BICD1: variants seen among roughly 807,000 people sequenced by gnomAD.
The protein encoded by BICD1 is protein bicaudal D homolog 1.
In BICD1, 35 loss-of-function variants were observed where a neutral mutation model predicts 92.5. The ratio of observed to expected loss-of-function variants is 0.38; its 90% confidence interval spans 0.29 to 0.50. BICD1 has a LOEUF of 0.50. Ranked by LOEUF, BICD1 falls within the 20% of genes least tolerant of loss-of-function variation. The probability of loss-of-function intolerance (pLI) is 0.93; values close to 1 mark genes in which losing one functional copy is unlikely to be tolerated. For missense variants in BICD1, 950 were observed against 1,189.8 expected, an observed-to-expected ratio of 0.80 and a Z score of 2.97; for synonymous variants, 429 against 465.1, an observed-to-expected ratio of 0.92 and a Z score of 1.00.
At chr12:32,119,147 GC>G (rs1942053208) in intron 1 of BICD1, among the ~76,000 whole-genome samples, 1 of 152,234 alleles carries the variant, frequency 6.6e-6, no homozygotes, top group Non-Finnish European at 1.5e-5. Flanking sequence ...GCCAAGATCT[GC>G]GAACTCTGTT....
chr12:32,179,989 C>CA (rs4001794), intron 1 of BICD1, among the ~76,000 whole-genome samples: 78,228 of 122,108 alleles, frequency 0.64, 24,979 homozygotes, highest in Admixed American at 0.7. Context: ...GACACGCTCT[C>CA]AAAAAAAAAA....
chr12:32,366,338 G>A lies in BICD1; in HGVS notation c.2765-1332G>A, dbSNP rs894024058. 3.9e-5 allele frequency among the ~76,000 whole-genome samples: 6 copies of A among 152,346 alleles called. No homozygotes were observed. The East Asian group carries it at 1.2e-3, about 29-fold the overall frequency. On this transcript the variant is annotated intron_variant, in intron 8 of 9. Transcript: ENST00000652176. ...ATATTATTTACATAACATATAAGGA[G>A]GCCGGGTGCAGTGGCTCACGCCTGT... is the stretch of plus-strand genomic sequence containing the variant.
At chr12:32,163,736 A>T (rs1187712463) in intron 1 of BICD1, among the ~76,000 whole-genome samples, 1 of 152,162 alleles carries the variant, frequency 6.6e-6, no homozygotes, top group Non-Finnish European at 1.5e-5. Flanking sequence ...CAAATATTCC[A>T]TGTGGCCCTT....
chr12:32,235,973 C>T (rs1363038346), intron 2 of BICD1, among the ~76,000 whole-genome samples: 1 of 150,688 alleles, frequency 6.6e-6, no homozygotes, highest in Non-Finnish European at 1.5e-5. Flanking sequence ...GCTGGGATTA[C>T]AGGCGTGAGC....
chr12:32,233,453 AACTCGTATGGTGT>A (rs1400132894), intron 2 of BICD1, among the ~76,000 whole-genome samples: 2 of 152,040 alleles, frequency 1.3e-5, no homozygotes, highest in African/African-American at 4.8e-5. Context: ...TAAAATGCGG[AACTCGTATGGTGT>A]ACTTAGCATA....
intron 1 of BICD1, among the ~76,000 whole-genome samples, chr12:32,163,121 T>G (rs1393462285): frequency 2.6e-5 from 4 of 152,192 alleles, no homozygotes; most frequent in Non-Finnish European, 5.9e-5. Context: ...GGGTCTTGAG[T>G]TCTGAGGATT....
intron 8 of BICD1, chr12:32,339,422 C>A: frequency 1.0e-6 from 1 of 986,690 alleles, no homozygotes; most frequent in Non-Finnish European, 1.2e-6. Context: ...CTCAGAACGT[C>A]TCCTCAATCA....
intron 8 of BICD1, among the ~76,000 whole-genome samples, chr12:32,355,920 T>C (rs774995667): frequency 1.3e-5 from 2 of 152,178 alleles, no homozygotes; most frequent in Non-Finnish European, 2.9e-5. Flanking sequence ...TGACTTTGCA[T>C]AGTCTGATAG....
intron 5 of BICD1, among the ~76,000 whole-genome samples, chr12:32,330,870 C>T (rs1038809053): frequency 1.9e-4 from 29 of 152,316 alleles, no homozygotes; most frequent in African/African-American, 3.4e-4. Flanking sequence ...CGCAATGGCT[C>T]ACGCCTGTAA....
intron 2 of BICD1, among the ~76,000 whole-genome samples, chr12:32,234,882 C>T (rs1038986133): frequency 2.6e-5 from 4 of 151,638 alleles, no homozygotes; most frequent in African/African-American, 9.7e-5. Flanking sequence ...ACAGGATCAC[C>T]CCATGTTGCC....
chr12:32,301,767 C>A (rs1028686160), intron 3 of BICD1, among the ~76,000 whole-genome samples: 2 of 151,978 alleles, frequency 1.3e-5, no homozygotes, highest in African/African-American at 4.8e-5. Flanking sequence ...AGAGCAAGAC[C>A]CTGTCACAAA....
intron 2 of BICD1, among the ~76,000 whole-genome samples, chr12:32,230,339 G>T (rs1452246892): frequency 6.6e-6 from 1 of 151,926 alleles, no homozygotes; most frequent in Non-Finnish European, 1.5e-5. Flanking sequence ...GGTCAGGACT[G>T]CAGTGAGCCA....
chr12:32,153,997 G>A (rs1024500460), intron 1 of BICD1, among the ~76,000 whole-genome samples: 8 of 151,900 alleles, frequency 5.3e-5, no homozygotes, highest in South Asian at 2.1e-4. Context: ...ATACTCCTGG[G>A]AGAGTCCCAG....
intron 2 of BICD1, among the ~76,000 whole-genome samples, chr12:32,260,399 C>T (rs1285116839): frequency 1.3e-5 from 2 of 152,212 alleles, no homozygotes; most frequent in Non-Finnish European, 2.9e-5. Flanking sequence ...TTTTCCATGA[C>T]TGTATCTGCC....
chr12:32,376,382 C>T (rs1411217725), intron 9 of BICD1, among the ~76,000 whole-genome samples: 8 of 152,048 alleles, frequency 5.3e-5, no homozygotes, highest in South Asian at 4.2e-4. Context: ...CCACCGCGCC[C>T]GGCCGCTAGT....
intron 3 of BICD1, among the ~76,000 whole-genome samples, chr12:32,304,165 T>G (rs1948146386): frequency 6.6e-6 from 1 of 152,102 alleles, no homozygotes; most frequent in Non-Finnish European, 1.5e-5. Context: ...CAACTAAATC[T>G]CTACCCTAAC....
At chr12:32,320,273 A>G (rs1948614676) in intron 4 of BICD1, among the ~76,000 whole-genome samples, 1 of 152,144 alleles carries the variant, frequency 6.6e-6, no homozygotes, top group Admixed American at 6.6e-5. Context: ...GGGAAAGCCA[A>G]GTTGGCAGGA....
intron 3 of BICD1, among the ~76,000 whole-genome samples, chr12:32,300,800 A>G (rs1220102331): frequency 1.3e-5 from 2 of 148,714 alleles, no homozygotes; most frequent in Non-Finnish European, 3.0e-5. Context: ...ACCCACCACC[A>G]TGCCCAGCTA....
chr12:32,229,801 A>C (rs1421149171), intron 2 of BICD1, among the ~76,000 whole-genome samples: 1 of 152,170 alleles, frequency 6.6e-6, no homozygotes, highest in Non-Finnish European at 1.5e-5. Context: ...ATTCCTTTTT[A>C]AGATGGAAGA....
Sources: gnomAD v4.1 joint callset for allele counts (sites outside exome capture counted in the v4.1 genomes callset) on GRCh38, gnomAD v4.1.1 for gene constraint, MANE v1.5 for transcripts, NCBI Gene and HGNC (gene_info 2026-07-23, HGNC 2026-07-21) for gene names.